PLCG2: variants seen among roughly 807,000 people sequenced by gnomAD.
PLCG2 encodes the protein 1-phosphatidylinositol 4,5-bisphosphate phosphodiesterase gamma-2.
A neutral mutation model predicts 175.6 loss-of-function variants in PLCG2; 69 were observed. The ratio of observed to expected loss-of-function variants is 0.39; its 90% CI spans 0.32 to 0.48. The LOEUF (loss-of-function observed/expected upper bound fraction) is 0.48. Among genes scored for constraint, PLCG2 ranks in the 20% least tolerant of loss-of-function variants. The pLI is 0.91. For synonymous variants in PLCG2, 827 were observed against 624.0 expected (o/e 1.33, Z -4.85); for missense variants, 1,798 against 1,650.9 (o/e 1.09, Z -1.54).
At chr16:81,938,407 C>T (rs1910803529) in intron 28 of PLCG2, 1 of 225,786 alleles carries the variant, frequency 4.4e-6, no homozygotes, top group Non-Finnish European at 8.7e-6. Context: ...CATACGTAAA[C>T]ACAGGCCTTT....
intron 13 of PLCG2, 37 bp downstream of exon 13, chr16:81,895,964 G>C (rs755291055): frequency 6.2e-7 from 1 of 1,613,264 alleles, no homozygotes; most frequent in African/African-American, 1.3e-5. Context: ...TGACTTAAAG[G>C]GGAAGGCAGC....
At chr16:81,877,176 C>T (rs898494585) in intron 7 of PLCG2, among the ~76,000 whole-genome samples, 4 of 152,140 alleles carry the variant, frequency 2.6e-5, no homozygotes, top group South Asian at 2.1e-4. Context: ...ACAGAAGTGT[C>T]GGGCACGGTG....
chr16:81,959,205 T>C lies in PLCG2; in HGVS notation c.*1207T>C, dbSNP rs939070818. 9 of 225,998 alleles carry C rather than the reference T, an allele frequency of 4.0e-5. No homozygotes were observed. The highest frequency in any genetic ancestry group is 1.1e-4 in the Admixed American group (2 of 17,506). 14.0% of individuals were successfully genotyped at this position (225,998 alleles called of 1,614,324 possible). On this transcript the variant is annotated 3_prime_UTR_variant, in exon 33 of 33. Transcript: ENST00000564138. ...AAAGGAGTGTAACTGTGAAAAACGA[T>C]GGCTGTGGTGGGGAAGAACAAACCA...
intron 2 of PLCG2, among the ~76,000 whole-genome samples, chr16:81,772,034 C>T (rs926476519): frequency 3.3e-5 from 5 of 152,086 alleles, no homozygotes; most frequent in African/African-American, 9.7e-5. Flanking sequence ...CTGCCCACTT[C>T]GGCTTCCCAA....
chr16:81,829,902 C>G (rs1905193501), intron 2 of PLCG2, among the ~76,000 whole-genome samples: 1 of 151,636 alleles, frequency 6.6e-6, no homozygotes, highest in Non-Finnish European at 1.5e-5. Flanking sequence ...TAGTGAGTGC[C>G]AAATCGCTCT....
chr16:81,943,496 C>T (rs927372892), intron 30 of PLCG2, among the ~76,000 whole-genome samples: 10 of 152,144 alleles, frequency 6.6e-5, no homozygotes, highest in African/African-American at 2.4e-4. Context: ...CCACCCGGCC[C>T]CAGCTCCAAC....
rs1302338167 is a variant in PLCG2 at position 81,937,748 on chromosome 16, T to G, written c.3053-10T>G. Reference sequence around the variant, plus strand: ...CCTGACTTACAGCAGGCGTTCACTTTCCTTCCCAGATAAGTACATGCAGAT... The same window carrying G: ...CCTGACTTACAGCAGGCGTTCACTTGCCTTCCCAGATAAGTACATGCAGAT... On this transcript the variant is annotated splice_polypyrimidine_tract_variant and intron_variant, in intron 27 of 32. Transcript: ENST00000564138. 1.2e-6 allele frequency: 2 copies of G among 1,612,448 alleles called. No homozygotes were observed.
chr16:81,776,254 A>G (rs542352713), upstream of PLCG2, among the ~76,000 whole-genome samples: 63 of 149,958 alleles, frequency 4.2e-4, 1 homozygote, highest in East Asian at 9.5e-3. Context: ...GATTATAGGC[A>G]CCCACCACCA....
chr16:81,842,786 G>C (rs1304943141), intron 2 of PLCG2: 1 of 152,128 alleles, frequency 6.6e-6, no homozygotes, highest in Non-Finnish European at 1.5e-5. Context: ...GCCAGCAAAG[G>C]GGTCGGTGGT....
At chr16:81,922,750 G>T (rs968947547) in intron 21 of PLCG2, among the ~76,000 whole-genome samples, 1 of 152,170 alleles carries the variant, frequency 6.6e-6, no homozygotes, top group Non-Finnish European at 1.5e-5. Context: ...CATTTAAACA[G>T]GTTTGACAAC....
intron 2 of PLCG2, among the ~76,000 whole-genome samples, chr16:81,854,026 C>G (rs1390634681): frequency 6.6e-6 from 1 of 152,082 alleles, no homozygotes; most frequent in Non-Finnish European, 1.5e-5. Context: ...TCATCAAGGT[C>G]AAGGTCAACC....
chr16:81,805,333 A>G lies in PLCG2; in HGVS notation c.193+19151A>G, dbSNP rs548652364. Among the ~76,000 whole-genome samples the G allele has an allele frequency of 2.0e-5, 3 of 152,048 alleles. No individual in the cohort carries two copies. In the East Asian group the frequency reaches 5.8e-4, roughly 29 times the overall value. ...ACTAACACGGTGAAACTCTGTCTCT[A>G]CTAAAAATATAAAAAATTAGCCGGG... is the stretch of plus-strand genomic sequence containing the variant. On this transcript the variant is annotated intron_variant, in intron 2 of 32. Coordinates refer to ENST00000564138, the MANE Select transcript of PLCG2 (RefSeq NM_002661.5).
At chr16:81,847,518 C>A (rs1264457082) in intron 2 of PLCG2, among the ~76,000 whole-genome samples, 1 of 152,048 alleles carries the variant, frequency 6.6e-6, no homozygotes, top group Non-Finnish European at 1.5e-5. Context: ...CTAGGAGCCC[C>A]CAGCCCTACA....
At chr16:81,876,251 G>A (rs1217932543) in intron 7 of PLCG2, among the ~76,000 whole-genome samples, 2 of 151,930 alleles carry the variant, frequency 1.3e-5, no homozygotes, top group Non-Finnish European at 1.5e-5. Flanking sequence ...TTGAACTCCT[G>A]GGCTCAAGTG....
chr16:81,817,258 A>G (rs1270487561), intron 2 of PLCG2, among the ~76,000 whole-genome samples: 2 of 152,224 alleles, frequency 1.3e-5, no homozygotes, highest in Non-Finnish European at 2.9e-5. Flanking sequence ...GTGGAGAAGG[A>G]CTATGCATCC....
chr16:81,818,250 C>T (rs1023307073), intron 2 of PLCG2, among the ~76,000 whole-genome samples: 2 of 152,238 alleles, frequency 1.3e-5, no homozygotes, highest in African/African-American at 4.8e-5. Context: ...GCTCAGTCAG[C>T]TCCTCACTTC....
chr16:81,944,401 T>C (rs1014874792), intron 30 of PLCG2, among the ~76,000 whole-genome samples: 1 of 152,206 alleles, frequency 6.6e-6, no homozygotes, highest in African/African-American at 2.4e-5. Context: ...TCTTGGGTAT[T>C]AAAGTAATCT....
At chr16:81,819,734 A>T (rs941673867) in intron 2 of PLCG2, among the ~76,000 whole-genome samples, 2 of 152,030 alleles carry the variant, frequency 1.3e-5, no homozygotes. Flanking sequence ...ACAGGTACCC[A>T]CCACCATGCC....
At chr16:81,867,673 A>C (rs182539233) in intron 5 of PLCG2, among the ~76,000 whole-genome samples, 1 of 150,842 alleles carries the variant, frequency 6.6e-6, no homozygotes, top group African/African-American at 2.4e-5. Flanking sequence ...TTTGCCTGGG[A>C]CGTGTTCTCC....
Sources: gnomAD v4.1 joint callset for allele counts (sites outside exome capture counted in the v4.1 genomes callset) on GRCh38, gnomAD v4.1.1 for gene constraint, MANE v1.5 for transcripts, NCBI Gene and HGNC (gene_info 2026-07-23, HGNC 2026-07-21) for gene names.